The following ROPN1B variants were observed in gnomAD, a reference collection of about 807,000 sequenced individuals.
ROPN1B encodes the protein ropporin-1B.
In ROPN1B, 13 loss-of-function variants were observed where a neutral mutation model predicts 23.7. That is an observed-to-expected ratio of 0.55 (90% CI 0.36 to 0.87). The LOEUF (loss-of-function observed/expected upper bound fraction) is 0.87, where lower values mean the gene tolerates loss of function less well. Among genes scored for constraint, ROPN1B ranks in the 40% least tolerant of loss-of-function variants. The pLI is 0.01. For missense variants in ROPN1B, 183 were observed against 249.2 expected (o/e 0.73, Z 1.79); for synonymous variants, 67 against 100.4 (o/e 0.67, Z 1.99).
intron 5 of ROPN1B, among the ~76,000 whole-genome samples, chr3:125,981,390 C>G (rs1232447798): frequency 6.6e-6 from 1 of 152,218 alleles, no homozygotes; most frequent in African/African-American, 2.4e-5. Flanking sequence ...GCTGCTTTTT[C>G]ACTCACCCTA....
intron 3 of ROPN1B, among the ~76,000 whole-genome samples, chr3:125,975,241 A>C (rs1183568698): frequency 6.6e-6 from 1 of 152,230 alleles, no homozygotes; most frequent in Admixed American, 6.5e-5. Context: ...TGTGTATAAA[A>C]CATTCAGAGA....
chr3:125,972,667 T>A (rs1346906887), intron 3 of ROPN1B: 1 of 361,858 alleles, frequency 2.8e-6, no homozygotes, highest in Non-Finnish European at 5.2e-6. Flanking sequence ...AGACACTTCC[T>A]CCCCTGCTGT....
At position 125,982,349 on chromosome 3, in the gene ROPN1B, G is replaced by A. The variant is rs1938637920; in HGVS notation, c.476G>A (p.Ser159Asn). The A allele has an allele frequency of 6.2e-7, 1 of 1,613,430 alleles. No individual in the cohort carries two copies. The change falls in exon 6 of 7, where the codon AGC becomes AAC. Residue 159 changes from serine to asparagine, a missense_variant. Transcript: ENST00000514116. ...HNGGLPRIPF[S>N]TFQFLYTYIA... is the part of the protein sequence containing the mutation. ...GGTGGGTTGCCCCGAATCCCATTCA[G>A]CACCTTCCAGTTTCTCTACACGTAT...
chr3:125,973,236 G>A (rs1403199642), intron 3 of ROPN1B: 1 of 349,786 alleles, frequency 2.9e-6, no homozygotes, highest in Non-Finnish European at 5.6e-6. Flanking sequence ...ATGGTGGGGA[G>A]AGTGTGGACA....
intron 3 of ROPN1B, 74 bp from the exon 4 acceptor site, chr3:125,975,489 G>A (rs760345983): frequency 7.0e-7 from 1 of 1,437,742 alleles, no homozygotes; most frequent in Non-Finnish European, 9.5e-7. Context: ...CAGAAGAAGG[G>A]GGAAGGATTG....
rs773110520 is a variant in ROPN1B, at chr3:125,972,150, C to A, written c.96C>A (p.Asp32Glu). 1 of 1,614,224 alleles carries A rather than the reference C, an allele frequency of 6.2e-7. No individual in the cohort carries two copies. Among genetic ancestry groups the A allele is most frequent in the South Asian group, 1.1e-5 (1 of 91,076 alleles). ...CCGCCATTCGGGCGCAGCCGCAGGA[C>A]CTCATCCAGTGGGGGGCCGAGTACG... is the stretch of plus-strand genomic sequence containing the variant. Reference protein sequence around the residue: ...AKAAIRAQPQDLIQWGADYFE... With the variant: ...AKAAIRAQPQELIQWGADYFE... Residue 32 changes from aspartate (D) to glutamate (E), a missense_variant, in exon 3 of 7, where the codon GAC becomes GAA. This residue lies in a region of ROPN1B where 97 missense variants were observed against 99.6 expected (regional missense o/e 0.97). Transcript: ENST00000514116.
rs181419391 is a variant in ROPN1B, at chr3:125,972,588, C to T, written c.116+418C>T. 2.5e-3 allele frequency: 935 copies of T among 373,664 alleles called. 9 individuals carry two copies. The highest frequency in any genetic ancestry group is 0.017 in the African/African-American group (848 of 49,256). 23.1% of individuals were successfully genotyped at this position (373,664 alleles called of 1,614,324 possible). A position where few individuals can be genotyped will look rare whatever the true frequency, so the allele number is the denominator to read the frequency against. ...TCACCACTAGATGGCAGCAGTGCAG[C>T]CGGGGGAGGGAAGCGACAGCCCTGG... On this transcript the variant is annotated intron_variant, in intron 3 of 6. Coordinates refer to ENST00000514116, the MANE Select transcript of ROPN1B (RefSeq NM_001308313.2).
chr3:125,980,716 C>T (rs1388740058), intron 5 of ROPN1B, among the ~76,000 whole-genome samples: 1 of 151,886 alleles, frequency 6.6e-6, no homozygotes, highest in East Asian at 1.9e-4. Flanking sequence ...GGCAACAGAA[C>T]AAAGCATTAG....
intron 3 of ROPN1B, among the ~76,000 whole-genome samples, chr3:125,974,765 A>C (rs1408865179): frequency 6.6e-6 from 1 of 152,194 alleles, no homozygotes; most frequent in Non-Finnish European, 1.5e-5. Context: ...ATTTCACTGA[A>C]AATTTTGAGG....
At chr3:125,972,528 C>A in intron 3 of ROPN1B, 1 of 485,486 alleles carries the variant, frequency 2.1e-6, no homozygotes, top group Non-Finnish European at 3.6e-6. Context: ...CTGGGAATCT[C>A]CGCAGCTTAA....
chr3:125,978,090 T>C (rs1432577729), intron 5 of ROPN1B: 1 of 152,222 alleles, frequency 6.6e-6, no homozygotes, highest in Admixed American at 6.5e-5. Context: ...CTACAATGTT[T>C]ATCATTGCTT....
At chr3:125,978,609 C>A (rs1938505681) in intron 5 of ROPN1B, among the ~76,000 whole-genome samples, 2 of 152,212 alleles carry the variant, frequency 1.3e-5, no homozygotes, top group South Asian at 4.1e-4. Context: ...CATCTCTGGT[C>A]TCCATGGTAA....
Position 125,975,549 on chromosome 3 carries a change from T to C in ROPN1B, c.117-14T>C, listed in dbSNP as rs1429394892. On this transcript the variant is annotated splice_polypyrimidine_tract_variant and intron_variant, in intron 3 of 6. Coordinates refer to ENST00000514116, the MANE Select transcript of ROPN1B (RefSeq NM_001308313.2). ...GTATAGGATCCTCCTACTCTCTGACTTTTTTTCTTGTAGTTATTTTGAGGC... is the reference window on the plus strand; with the variant it reads ...GTATAGGATCCTCCTACTCTCTGACCTTTTTTCTTGTAGTTATTTTGAGGC... 9 of 1,603,216 alleles carry C rather than the reference T, an allele frequency of 5.6e-6. No homozygotes were observed. The highest frequency in any genetic ancestry group is 1.1e-5 in the South Asian group (1 of 89,820).
intron 6 of ROPN1B, 55 bp downstream of exon 6, chr3:125,982,500 G>A (rs1328348087): frequency 6.8e-7 from 1 of 1,473,394 alleles, no homozygotes; most frequent in Non-Finnish European, 9.3e-7. Flanking sequence ...ACAAATCTAT[G>A]GGGCCAAGAC....
intron 3 of ROPN1B, among the ~76,000 whole-genome samples, chr3:125,975,105 A>C (rs1333842436): frequency 6.6e-6 from 1 of 152,140 alleles, no homozygotes; most frequent in Non-Finnish European, 1.5e-5. Flanking sequence ...CAGGCTCTGC[A>C]GTTGCCAGAT....
At chr3:125,981,725 G>A (rs991053653) in intron 5 of ROPN1B, among the ~76,000 whole-genome samples, 1 of 152,130 alleles carries the variant, frequency 6.6e-6, no homozygotes, top group Non-Finnish European at 1.5e-5. Flanking sequence ...AAAGCACTAG[G>A]TGATTCTATT....
At chr3:125,980,728 G>T (rs901674667) in intron 5 of ROPN1B, among the ~76,000 whole-genome samples, 1 of 151,872 alleles carries the variant, frequency 6.6e-6, no homozygotes, top group African/African-American at 2.4e-5. Context: ...AAGCATTAGG[G>T]GTGCAGAGGG....
intron 5 of ROPN1B, among the ~76,000 whole-genome samples, chr3:125,981,578 G>C (rs1938613214): frequency 6.6e-6 from 1 of 152,174 alleles, no homozygotes; most frequent in South Asian, 2.1e-4. Flanking sequence ...TGAGTTCTGA[G>C]CATGCTCCTT....
At chr3:125,976,446 G>C (rs942510701) in intron 4 of ROPN1B, among the ~76,000 whole-genome samples, 2 of 152,202 alleles carry the variant, frequency 1.3e-5, no homozygotes, top group Non-Finnish European at 2.9e-5. Flanking sequence ...GAACATGACA[G>C]AGCTCTAAAA....
Sources: gnomAD v4.1 joint callset for allele counts (sites outside exome capture counted in the v4.1 genomes callset) on GRCh38, gnomAD v4.1.1 for gene constraint, gnomAD v4.1.1 regional missense constraint, MANE v1.5 for transcripts, NCBI Gene and HGNC (gene_info 2026-07-23, HGNC 2026-07-21) for gene names.